The following GPHN variants were observed in gnomAD, a reference collection of about 807,000 sequenced individuals.
GPHN encodes the protein gephyrin.
In GPHN, 17 loss-of-function variants were observed where a neutral mutation model predicts 95.5. The observed-to-expected ratio is 0.18, with a 90% CI of 0.12 to 0.27. GPHN has a LOEUF of 0.27. Among genes scored for constraint, GPHN ranks in the 10% least tolerant of loss-of-function variants. GPHN has a pLI of 1.00. For synonymous variants in GPHN, 320 were observed against 322.5 expected, an observed-to-expected ratio of 0.99 and a Z score of 0.08; for missense variants, 660 against 978.1, an observed-to-expected ratio of 0.67 and a Z score of 4.34.
chr14:67,192,374 C>A, the GPHN span, among the ~76,000 whole-genome samples: 2 of 151,960 alleles, frequency 1.3e-5, no homozygotes, highest in South Asian at 4.2e-4. Flanking sequence ...TTGTTTGTTT[C>A]TTTCTTTTAT....
the GPHN span, among the ~76,000 whole-genome samples, chr14:67,213,454 G>T: frequency 6.7e-6 from 1 of 149,614 alleles, no homozygotes; most frequent in Non-Finnish European, 1.5e-5. Context: ...TGAGAATGAT[G>T]ATTTCCAATT....
At chr14:67,647,971 C>A in the GPHN span, 1 of 1,401,254 alleles carries the variant, frequency 7.1e-7, no homozygotes, top group Non-Finnish European at 9.8e-7. Context: ...GGAGTTGCAA[C>A]CATAAGAAGG....
chr14:66,574,558 A>G (rs1308260006), intron 1 of GPHN, among the ~76,000 whole-genome samples: 2 of 152,138 alleles, frequency 1.3e-5, no homozygotes, highest in African/African-American at 4.8e-5. Flanking sequence ...ATTTCTCTTT[A>G]GCATTTCTTG....
chr14:67,229,263 T>G, the GPHN span, among the ~76,000 whole-genome samples: 1 of 152,252 alleles, frequency 6.6e-6, no homozygotes, highest in African/African-American at 2.4e-5. Context: ...TAGGTTTTTT[T>G]AAAGCAATGG....
intron 5 of GPHN, among the ~76,000 whole-genome samples, chr14:66,912,348 CCTTCT>C (rs946067447): frequency 1.3e-5 from 2 of 152,064 alleles, no homozygotes; most frequent in Non-Finnish European, 2.9e-5. Flanking sequence ...CTTATAGAAG[CCTTCT>C]CTTAACTACC....
the GPHN span, among the ~76,000 whole-genome samples, chr14:67,362,825 T>C: frequency 6.6e-6 from 1 of 152,246 alleles, no homozygotes; most frequent in African/African-American, 2.4e-5. Context: ...CAGGTTTTTG[T>C]GGTATGGATT....
chr14:66,747,919 A>G (rs563534622), intron 2 of GPHN, among the ~76,000 whole-genome samples: 2 of 151,960 alleles, frequency 1.3e-5, no homozygotes, highest in Non-Finnish European at 2.9e-5. Context: ...TAGTGTTAAC[A>G]TTAAATAAAA....
At chr14:67,320,769 GA>G in the GPHN span, among the ~76,000 whole-genome samples, 1 of 152,122 alleles carries the variant, frequency 6.6e-6, no homozygotes, top group East Asian at 1.9e-4. Flanking sequence ...AACTTTAGGA[GA>G]AGATGAGTAG....
intron 3 of GPHN, among the ~76,000 whole-genome samples, chr14:66,777,591 C>T (rs1290805446): frequency 5.9e-5 from 9 of 152,114 alleles, no homozygotes; most frequent in Admixed American, 3.9e-4. Context: ...ACTGGCAAAC[C>T]GAATCCAGCA....
In GPHN at chr14:66,508,451, G is replaced by A. The variant is rs2057878125; in HGVS notation, c.-77G>A. On this transcript the variant is annotated 5_prime_UTR_variant, in exon 1 of 23. Coordinates refer to ENST00000478722, the MANE Select transcript of GPHN (RefSeq NM_020806.5). ...CCCTAGCTGTCGCGCTCTCCTCGGCGAGCGCGCTCCCGGCCCGCGCGCTCC... is the reference window on the plus strand; with the variant it reads ...CCCTAGCTGTCGCGCTCTCCTCGGCAAGCGCGCTCCCGGCCCGCGCGCTCC... The A allele has an allele frequency of 7.4e-7, 1 of 1,356,466 alleles. No individual in the cohort carries two copies. The highest frequency in any genetic ancestry group is 1.7e-5 in the Admixed American group (1 of 59,642). The allele number at this position is 1,356,466 out of a possible 1,614,324, so 84.0% of individuals were successfully genotyped here. A position where few individuals can be genotyped will look rare whatever the true frequency, so the allele number is the denominator to read the frequency against.
At chr14:66,761,432 A>T (rs180827835) in intron 2 of GPHN, among the ~76,000 whole-genome samples, 1 of 152,332 alleles carries the variant, frequency 6.6e-6, no homozygotes, top group East Asian at 1.9e-4. Flanking sequence ...AACAATTTGT[A>T]TGACAGTGTC....
At chr14:67,565,355 C>T in the GPHN span, among the ~76,000 whole-genome samples, 1 of 152,100 alleles carries the variant, frequency 6.6e-6, no homozygotes, top group Non-Finnish European at 1.5e-5. Flanking sequence ...GGGATCTTTC[C>T]ACCCCAGCCT....
chr14:67,367,710 C>G, the GPHN span, among the ~76,000 whole-genome samples: 3 of 151,890 alleles, frequency 2.0e-5, no homozygotes, highest in African/African-American at 4.8e-5. Flanking sequence ...GGTGGTGCAC[C>G]CTGTAGTCCC....
chr14:67,442,925 T>G, the GPHN span, among the ~76,000 whole-genome samples: 179 of 152,296 alleles, frequency 1.2e-3, no homozygotes, highest in South Asian at 5.2e-3. Context: ...GACGTTATAT[T>G]AAATGAGTTC....
intron 1 of GPHN, among the ~76,000 whole-genome samples, chr14:66,569,457 G>A (rs1217871271): frequency 1.3e-5 from 2 of 152,000 alleles, no homozygotes; most frequent in African/African-American, 4.8e-5. Context: ...GAGGTCAGGA[G>A]TTCGAGACCA....
rs374284880 is a variant in GPHN, at chr14:67,056,688, CG to C, written c.1007-1960del. 5.0e-3 allele frequency among the ~76,000 whole-genome samples: 754 copies of C among 152,026 alleles called. 12 individuals are homozygous for C. The highest frequency in any genetic ancestry group is 0.018 in the African/African-American group (735 of 41,450). On this transcript the variant is annotated intron_variant, in intron 10 of 22. Transcript: ENST00000478722. ...CACCTAGTGGATCACACGCCAGGGC[CG>C]TGGGTGGAGCTGCCCACCAGACCCA...
intron 8 of GPHN, among the ~76,000 whole-genome samples, chr14:66,950,739 G>T (rs540122339): frequency 6.6e-6 from 1 of 152,150 alleles, no homozygotes; most frequent in African/African-American, 2.4e-5. Context: ...ACTAAAAAAA[G>T]AAAATGAAAC....
At chr14:67,382,371 A>G in the GPHN span, 6 of 1,372,234 alleles carry the variant, frequency 4.4e-6, no homozygotes, top group African/African-American at 3.0e-5. Flanking sequence ...CAGCAGATTA[A>G]TAAAATCTCA....
downstream of GPHN, among the ~76,000 whole-genome samples, chr14:67,185,566 A>C (rs1398704856): frequency 6.6e-6 from 1 of 152,218 alleles, no homozygotes; most frequent in Non-Finnish European, 1.5e-5. Flanking sequence ...AGATGTTTTC[A>C]AGTTTTCATT....
Sources: allele counts gnomAD v4.1 joint callset (sites outside exome capture counted in the v4.1 genomes callset), GRCh38; gene constraint gnomAD v4.1.1; transcripts MANE v1.5; gene names NCBI Gene and HGNC (gene_info 2026-07-23, HGNC 2026-07-21).